KIF2A: variants seen among roughly 807,000 people sequenced by gnomAD.
KIF2A encodes the protein kinesin-like protein KIF2A.
KIF2A carries 22 observed loss-of-function variants against 100.2 expected under a neutral mutation model. That is an observed-to-expected ratio of 0.22 (90% CI 0.16 to 0.31). The LOEUF is 0.31. Ranked by LOEUF, KIF2A falls within the 10% of genes least tolerant of loss-of-function variation. The pLI is 1.00. For synonymous variants in KIF2A, 268 were observed against 285.9 expected (o/e 0.94, Z 0.63); for missense variants, 495 against 898.7 (o/e 0.55, Z 5.74).
At chr5:62,314,762 T>TG (rs1745727860) in intron 1 of KIF2A, among the ~76,000 whole-genome samples, 1 of 145,876 alleles carries the variant, frequency 6.9e-6, no homozygotes, top group Non-Finnish European at 1.5e-5. Context: ...TGAACTGTTT[T>TG]TTTTTTTTTT....
intron 1 of KIF2A, among the ~76,000 whole-genome samples, chr5:62,335,526 G>A (rs924864979): frequency 1.3e-4 from 20 of 152,192 alleles, no homozygotes; most frequent in African/African-American, 4.8e-4. Context: ...GGGTGGGCCT[G>A]GAGGAGCTCA....
Position 62,379,592 on chromosome 5 carries a change from G to A in KIF2A, c.2014-1526G>A, listed in dbSNP as rs570806434. Among the ~76,000 whole-genome samples the A allele has an allele frequency of 1.2e-4, 19 of 152,022 alleles. No individual in the cohort carries two copies. The South Asian group carries it at 3.3e-3, about 27-fold the overall frequency. On this transcript the variant is annotated intron_variant, in intron 19 of 20. Coordinates refer to ENST00000407818, the MANE Select transcript of KIF2A (RefSeq NM_001098511.3). ...CAGGAGAATTGCTTGAACCCAGCAG[G>A]CGGAGGTTGCAGTGAGCCAAGATTG...
intron 1 of KIF2A, among the ~76,000 whole-genome samples, chr5:62,335,943 A>G (rs538826996): frequency 6.6e-6 from 1 of 152,328 alleles, no homozygotes; most frequent in East Asian, 1.9e-4. Flanking sequence ...TATTGATTTT[A>G]TATAACAATG....
intron 1 of KIF2A, chr5:62,307,253 G>A (rs1745347936): frequency 6.6e-6 from 1 of 152,122 alleles, no homozygotes; most frequent in African/African-American, 2.4e-5. Context: ...ATAGGGGATG[G>A]GCAGAGTCAA....
At chr5:62,379,442 C>A (rs976182870) in intron 19 of KIF2A, among the ~76,000 whole-genome samples, 1 of 152,142 alleles carries the variant, frequency 6.6e-6, no homozygotes, top group African/African-American at 2.4e-5. Flanking sequence ...ACGGGTGGAT[C>A]ACCTGAGTTT....
intron 17 of KIF2A, among the ~76,000 whole-genome samples, chr5:62,373,391 A>T (rs1168164075): frequency 6.6e-6 from 1 of 151,602 alleles, no homozygotes; most frequent in Non-Finnish European, 1.5e-5. Flanking sequence ...AAATTTTTTA[A>T]ATCATAACAA....
chr5:62,351,596 G>C (rs1204178676), intron 4 of KIF2A, among the ~76,000 whole-genome samples: 2 of 152,096 alleles, frequency 1.3e-5, no homozygotes, highest in East Asian at 3.8e-4. Flanking sequence ...TGAGAGATTG[G>C]AAGTGGAGGG....
rs1742083474 is a variant in KIF2A at position 62,387,387 on chromosome 5, A to G, written c.*1818A>G. 1 of 152,188 alleles carries G rather than the reference A, an allele frequency of 6.6e-6. No homozygotes were observed. Among genetic ancestry groups the G allele is most frequent in the African/African-American group, 2.4e-5 (1 of 41,434 alleles). 9.4% of individuals were successfully genotyped at this position (152,188 alleles called of 1,614,324 possible). A position where few individuals can be genotyped will look rare whatever the true frequency, so the allele number is the denominator to read the frequency against. On this transcript the variant is annotated 3_prime_UTR_variant, in exon 21 of 21. Coordinates refer to ENST00000407818, the MANE Select transcript of KIF2A (RefSeq NM_001098511.3). ...TTTCAAAGGGCAATAAAGACATGTG[A>G]ATTTGCTCATTTTAAAGCACAACAG...
intron 1 of KIF2A, among the ~76,000 whole-genome samples, chr5:62,338,096 A>G (rs1454585955): frequency 6.6e-6 from 1 of 152,204 alleles, no homozygotes; most frequent in Non-Finnish European, 1.5e-5. Context: ...AAGCAAAGCT[A>G]TAATACTAAA....
intron 12 of KIF2A, 26 bp downstream of exon 12, chr5:62,362,567 A>AT: frequency 9.6e-7 from 1 of 1,043,754 alleles, no homozygotes; most frequent in East Asian, 3.2e-5. Flanking sequence ...TTTAATTTTA[A>AT]TTTTTTAAAA....
At chr5:62,322,358 A>G (rs976108674) in intron 1 of KIF2A, among the ~76,000 whole-genome samples, 1 of 152,144 alleles carries the variant, frequency 6.6e-6, no homozygotes, top group Non-Finnish European at 1.5e-5. Context: ...TATCCTTTGA[A>G]GCACAAAAAT....
At chr5:62,347,356 G>A in intron 2 of KIF2A, 132 bp downstream of exon 2, 1 of 580,570 alleles carries the variant, frequency 1.7e-6, no homozygotes, top group African/African-American at 1.9e-5. Flanking sequence ...ACTTTCAAAT[G>A]ATTAAAAATT....
chr5:62,312,521 T>A (rs934818217), intron 1 of KIF2A, among the ~76,000 whole-genome samples: 7 of 152,158 alleles, frequency 4.6e-5, no homozygotes, highest in African/African-American at 1.7e-4. Context: ...TAAAATAATT[T>A]TAAGGTGTTT....
At chr5:62,363,604 T>C (rs560798128) in intron 13 of KIF2A, 91 bp from the exon 14 acceptor site, 1 of 1,153,306 alleles carries the variant, frequency 8.7e-7, no homozygotes, top group African/African-American at 1.5e-5. Flanking sequence ...AATCGATGTT[T>C]TTGCTGCTGT....
intron 11 of KIF2A, 148 bp downstream of exon 11, chr5:62,361,677 A>G: frequency 1.9e-6 from 1 of 525,902 alleles, no homozygotes; most frequent in African/African-American, 2.0e-5. Context: ...GATTGCTTGA[A>G]AAGAACTATA....
In KIF2A at chr5:62,385,818, T is replaced by G. The variant is rs919399006; in HGVS notation, c.*249T>G. The G allele has an allele frequency of 4.4e-6, 2 of 452,532 alleles. No individual in the cohort carries two copies. The highest frequency in any genetic ancestry group is 3.9e-5 in the African/African-American group (2 of 50,982). 28.0% of individuals were successfully genotyped at this position (452,532 alleles called of 1,614,324 possible). A position where few individuals can be genotyped will look rare whatever the true frequency, so the allele number is the denominator to read the frequency against. On this transcript the variant is annotated 3_prime_UTR_variant, in exon 21 of 21. Transcript: ENST00000407818. The stretch of plus-strand genomic sequence containing the variant: ...CATTTACACAAATAGTGATTTACTT[T>G]TGGAGATCCTTGTCAGTTTTATTTT...
rs761320629 is a variant in KIF2A at position 62,373,743 on chromosome 5, A to C, written c.1817A>C (p.His606Pro). 6.2e-7 allele frequency: 1 copy of C among 1,613,414 alleles called. No individual in the cohort carries two copies. ...GCTGGTGATGTTCGTCCAATAATGC[A>C]CCATCCACCAAACCAGATTGATGAC... ...TAAGDVRPIM[H>P]HPPNQIDDLE... The change falls in exon 18 of 21, where the codon CAC becomes CCC. Residue 606 changes from histidine (H) to proline (P), a missense_variant. Transcript: ENST00000407818.
intron 1 of KIF2A, among the ~76,000 whole-genome samples, chr5:62,307,918 TCG>T (rs1745393813): frequency 6.6e-6 from 1 of 152,158 alleles, no homozygotes; most frequent in Non-Finnish European, 1.5e-5. Flanking sequence ...GCGCCTGGCC[TCG>T]ATTCCTTTTA....
At chr5:62,313,423 G>A (rs1197513140) in intron 1 of KIF2A, among the ~76,000 whole-genome samples, 1 of 152,084 alleles carries the variant, frequency 6.6e-6, no homozygotes, top group African/African-American at 2.4e-5. Flanking sequence ...CGTGATCTCG[G>A]CTCACTGCAA....
Sources: gnomAD v4.1 joint callset for allele counts (sites outside exome capture counted in the v4.1 genomes callset) on GRCh38, gnomAD v4.1.1 for gene constraint, MANE v1.5 for transcripts, NCBI Gene and HGNC (gene_info 2026-07-23, HGNC 2026-07-21) for gene names.